Variants in TBX1 observed in about 807,000 individuals in gnomAD.
The protein encoded by TBX1 is T-box transcription factor TBX1.
In TBX1, 16 loss-of-function variants were observed where a neutral mutation model predicts 40.8. That is an observed-to-expected ratio of 0.39 (90% CI 0.27 to 0.60). TBX1 has a LOEUF of 0.60. TBX1 is among the 20% of genes least tolerant of loss of function. TBX1 has a pLI of 0.51. For synonymous variants in TBX1, 403 were observed against 336.8 expected (o/e 1.20, Z -2.15); for missense variants, 755 against 728.5 (o/e 1.04, Z -0.42).
chr22:19,757,796 G>A (rs1936520325), upstream of TBX1, among the ~76,000 whole-genome samples: 1 of 152,184 alleles, frequency 6.6e-6, no homozygotes, highest in Non-Finnish European at 1.5e-5. Flanking sequence ...CTCCTCACTG[G>A]ACTTGTCCCT....
downstream of TBX1, among the ~76,000 whole-genome samples, chr22:19,767,519 G>T (rs1936905826): frequency 6.6e-6 from 1 of 152,072 alleles, no homozygotes; most frequent in Admixed American, 6.5e-5. Flanking sequence ...CCCCATAGGG[G>T]CTCCCACTGC....
chr22:19,756,931 A>AGCGCGGCGGG (rs1936499713), upstream of TBX1, among the ~76,000 whole-genome samples: 1 of 136,830 alleles, frequency 7.3e-6, no homozygotes, highest in Middle Eastern at 3.7e-3. Context: ...GGGGCGGCGG[A>AGCGCGGCGGG]GCGCGGCGGG....
chr22:19,758,650 C>G (rs1936540664), upstream of TBX1, among the ~76,000 whole-genome samples: 1 of 152,172 alleles, frequency 6.6e-6, no homozygotes, highest in Admixed American at 6.5e-5. Flanking sequence ...TCGGCTCCCT[C>G]GGCTGGCCAG....
downstream of TBX1, chr22:19,767,453 T>TA: frequency 1.1e-6 from 1 of 937,974 alleles, no homozygotes; most frequent in Non-Finnish European, 1.3e-6. Flanking sequence ...CTGCCGACTG[T>TA]AGGTCGGTCC....
chr22:19,771,295 C>T (rs902354412), downstream of TBX1, among the ~76,000 whole-genome samples: 2 of 152,226 alleles, frequency 1.3e-5, no homozygotes, highest in African/African-American at 4.8e-5. Context: ...CTACCTCACA[C>T]ATTTTCTGGA....
At chr22:19,780,087 G>A (rs1219617416), downstream of TBX1, among the ~76,000 whole-genome samples, 1 of 152,212 alleles carries the variant, frequency 6.6e-6, no homozygotes. Flanking sequence ...GACTTAAGCA[G>A]GCCTTTAGTT....
chr22:19,768,468 C>T (rs1033236314), downstream of TBX1, among the ~76,000 whole-genome samples: 1 of 152,250 alleles, frequency 6.6e-6, no homozygotes, highest in Non-Finnish European at 1.5e-5. Context: ...CAAAGGGCAT[C>T]TAGCACCAGA....
rs1238537953 is a variant in TBX1, at chr22:19,761,338, G to A, written c.437+58G>A. The A allele has an allele frequency of 4.1e-6, 6 of 1,479,080 alleles. No homozygotes were observed. In the East Asian group the frequency reaches 1.7e-4, roughly 43 times the overall value. The allele number at this position is 1,479,080 out of a possible 1,614,324, so 91.6% of individuals were successfully genotyped here. A position where few individuals can be genotyped will look rare whatever the true frequency, so the allele number is the denominator to read the frequency against. On this transcript the variant is annotated intron_variant, in intron 1 of 6. Transcript: ENST00000649276. ...CCCACGTGCTGCCGCCAGGGCTGCG[G>A]GCCTCCGCCTGATCCGCGCGAGCGG...
intron 8 of TBX1, among the ~76,000 whole-genome samples, chr22:19,774,971 G>A (rs1937043427): frequency 6.6e-6 from 1 of 152,182 alleles, no homozygotes; most frequent in Non-Finnish European, 1.5e-5. Context: ...TGTAGAGACA[G>A]GGTGTCACTG....
chr22:19,777,325 C>T (rs1937081409), intron 8 of TBX1, among the ~76,000 whole-genome samples: 2 of 151,914 alleles, frequency 1.3e-5, no homozygotes, highest in Admixed American at 6.6e-5. Context: ...GTTTTTTGTC[C>T]TTGCGATAGT....
chr22:19,781,962 G>T (rs1937146718), downstream of TBX1, among the ~76,000 whole-genome samples: 1 of 152,160 alleles, frequency 6.6e-6, no homozygotes, highest in African/African-American at 2.4e-5. Flanking sequence ...GTTTCTAATT[G>T]AGAAAAATAT....
chr22:19,767,120 C>T lies in TBX1; in HGVS notation c.*253C>T. 3.2e-6 allele frequency: 4 copies of T among 1,246,192 alleles called. No individual in the cohort carries two copies. Among genetic ancestry groups the T allele is most frequent in the Non-Finnish European group, 4.0e-6 (4 of 996,656 alleles). The allele number at this position is 1,246,192 out of a possible 1,614,324, so 77.2% of individuals were successfully genotyped here. A position where few individuals can be genotyped will look rare whatever the true frequency, so the allele number is the denominator to read the frequency against. On this transcript the variant is annotated 3_prime_UTR_variant, in exon 7 of 7. Coordinates refer to ENST00000649276, the MANE Select transcript of TBX1 (RefSeq NM_001379200.1). ...CCCCGGCCCCGAGGGCCAAGGGGGT[C>T]CCCGCCCGCCAGTGCCAAAGCGCCC...
At chr22:19,778,378 G>A (rs1937098584) in intron 8 of TBX1, among the ~76,000 whole-genome samples, 1 of 151,872 alleles carries the variant, frequency 6.6e-6, no homozygotes, top group South Asian at 2.1e-4. Context: ...TGGGATTATA[G>A]GTGTGAGCCA....
chr22:19,760,314 G>T (rs1264644121), upstream of TBX1, among the ~76,000 whole-genome samples: 2 of 149,986 alleles, frequency 1.3e-5, no homozygotes, highest in African/African-American at 4.9e-5. Flanking sequence ...TAAAAATAAA[G>T]TGAAAAGGAA....
At chr22:19,778,911 C>T (rs893624331) in intron 8 of TBX1, among the ~76,000 whole-genome samples, 3 of 152,064 alleles carry the variant, frequency 2.0e-5, no homozygotes, top group East Asian at 3.9e-4. Flanking sequence ...AATAAGACTC[C>T]GTCTCAAACA....
chr22:19,764,323 C>G lies in TBX1; in HGVS notation c.708C>G (p.Gly236=), dbSNP rs371829515. The change falls in exon 3 of 7, where the codon GGC becomes GGG. Residue 236 remains glycine, a synonymous_variant. Coordinates refer to ENST00000649276, the MANE Select transcript of TBX1 (RefSeq NM_001379200.1). ...KLTNNLLDDN[G]HIILNSMHRY... ...CCAACAACCTACTGGACGACAACGGCCACGTGAGCGACTGCCTCCCCAGGC... is the reference window on the plus strand; with the variant it reads ...CCAACAACCTACTGGACGACAACGGGCACGTGAGCGACTGCCTCCCCAGGC... The G allele has an allele frequency of 5.6e-6, 9 of 1,611,330 alleles. No individual in the cohort carries two copies. The highest frequency in any genetic ancestry group is 7.6e-6 in the Non-Finnish European group (9 of 1,179,886).
chr22:19,773,168 A>G (rs1204033226), intron 8 of TBX1, among the ~76,000 whole-genome samples: 1 of 152,236 alleles, frequency 6.6e-6, no homozygotes, highest in Non-Finnish European at 1.5e-5. Flanking sequence ...TCTGATAACA[A>G]TAAGTCAAGT....
At chr22:19,764,510 T>C (rs1004840751) in intron 3 of TBX1, among the ~76,000 whole-genome samples, 184 bp downstream of exon 3, 2 of 152,220 alleles carry the variant, frequency 1.3e-5, no homozygotes, top group African/African-American at 4.8e-5. Flanking sequence ...GCTTGGGCAG[T>C]GCTGGTGTGC....
At chr22:19,764,875 G>A (rs1244595840) in intron 3 of TBX1, 83 bp from the exon 4 acceptor site, 3 of 1,551,586 alleles carry the variant, frequency 1.9e-6, no homozygotes, top group South Asian at 1.1e-5. Flanking sequence ...TGCCAACTCA[G>A]ACCTCAGCCC....
Sources: allele counts gnomAD v4.1 joint callset (sites outside exome capture counted in the v4.1 genomes callset), GRCh38; gene constraint gnomAD v4.1.1; transcripts MANE v1.5; gene names NCBI Gene and HGNC (gene_info 2026-07-23, HGNC 2026-07-21).